The following KLF12 variants were observed in gnomAD, a reference collection of about 807,000 sequenced individuals.
The protein encoded by KLF12 is Krueppel-like factor 12.
In KLF12, 9 loss-of-function variants were observed where a neutral mutation model predicts 37.8. The observed-to-expected ratio is 0.24, with a 90% CI of 0.14 to 0.42. The LOEUF (loss-of-function observed/expected upper bound fraction) is 0.42. Among genes scored for constraint, KLF12 ranks in the 10% least tolerant of loss-of-function variants. KLF12 has a pLI of 1.00. For missense variants in KLF12, 411 were observed against 516.0 expected, an observed-to-expected ratio of 0.80 and a Z score of 1.97; for synonymous variants, 208 against 202.1, an observed-to-expected ratio of 1.03 and a Z score of -0.25.
the KLF12 span, among the ~76,000 whole-genome samples, chr13:74,275,802 C>G: frequency 1.9e-5 from 2 of 103,046 alleles, no homozygotes; most frequent in Admixed American, 1.1e-4. Flanking sequence ...TTCTTTCTTT[C>G]TTTCCTTCTT....
chr13:73,886,625 T>G (rs571359406), intron 3 of KLF12, among the ~76,000 whole-genome samples: 2 of 151,952 alleles, frequency 1.3e-5, no homozygotes, highest in Non-Finnish European at 2.9e-5. Context: ...CCCCAGAACT[T>G]AAAAGTTGAT....
chr13:74,288,591 A>G, the KLF12 span, among the ~76,000 whole-genome samples: 1 of 152,156 alleles, frequency 6.6e-6, no homozygotes, highest in Non-Finnish European at 1.5e-5. Context: ...GGCAGGAAAC[A>G]GTCTGATTTC....
chr13:74,239,941 A>G, the KLF12 span, among the ~76,000 whole-genome samples: 32,430 of 149,304 alleles, frequency 0.22, 5,913 homozygotes, highest in African/African-American at 0.51. Flanking sequence ...TAGTCCATTT[A>G]CATTTAAAGT....
upstream of KLF12, among the ~76,000 whole-genome samples, chr13:74,135,456 G>A (rs1878514661): frequency 6.6e-6 from 1 of 151,910 alleles, no homozygotes; most frequent in African/African-American, 2.4e-5. Context: ...CCCGGGGAGC[G>A]GATCCGCGGG....
chr13:74,261,498 G>A, the KLF12 span, among the ~76,000 whole-genome samples: 1 of 152,088 alleles, frequency 6.6e-6, no homozygotes, highest in Non-Finnish European at 1.5e-5. Flanking sequence ...GTAAAAGCCT[G>A]CTAGCTTTTC....
chr13:74,074,542 G>C (rs1202055997), intron 1 of KLF12, among the ~76,000 whole-genome samples: 1 of 152,134 alleles, frequency 6.6e-6, no homozygotes, highest in East Asian at 1.9e-4. Context: ...AATGTTCCTG[G>C]ATATCAATGA....
rs181514947 is a variant in KLF12 at position 74,050,814 on chromosome 13, A to G, written c.-31-55761T>C. 1.1e-4 allele frequency among the ~76,000 whole-genome samples: 17 copies of G among 152,354 alleles called. No individual in the cohort carries two copies. In the East Asian group the frequency reaches 3.1e-3, roughly 28 times the overall value. Reference sequence around the variant, plus strand: ...GAATGAGAGATAATATCTGCTAAACATTCATTTGATAAGGAGTTAATATCC... The same window carrying G: ...GAATGAGAGATAATATCTGCTAAACGTTCATTTGATAAGGAGTTAATATCC... On this transcript the variant is annotated intron_variant, in intron 1 of 7. Coordinates refer to ENST00000377669, the MANE Select transcript of KLF12 (RefSeq NM_007249.5).
At chr13:73,817,197 A>ACC (rs1883271293) in intron 4 of KLF12, among the ~76,000 whole-genome samples, 3 of 151,950 alleles carry the variant, frequency 2.0e-5, no homozygotes, top group Non-Finnish European at 2.9e-5. Context: ...ATATGCCTGT[A>ACC]GTCCCAGCTA....
intron 2 of KLF12, among the ~76,000 whole-genome samples, chr13:73,951,747 A>G (rs893754917): frequency 3.3e-5 from 5 of 152,210 alleles, no homozygotes; most frequent in Non-Finnish European, 4.4e-5. Context: ...CATTCTGTTC[A>G]GGCTACATCT....
the KLF12 span, among the ~76,000 whole-genome samples, chr13:74,255,728 C>G: frequency 6.6e-6 from 1 of 152,192 alleles, no homozygotes; most frequent in Non-Finnish European, 1.5e-5. Flanking sequence ...GGAGAACTAA[C>G]TCTATCTACT....
intron 3 of KLF12, among the ~76,000 whole-genome samples, chr13:73,927,572 CTTTAT>C (rs958160578): frequency 5.3e-5 from 8 of 151,960 alleles, no homozygotes; most frequent in African/African-American, 1.7e-4. Flanking sequence ...ACATCTACCT[CTTTAT>C]TTTATTTTTT....
At chr13:74,128,702 T>A (rs1168793339) in intron 1 of KLF12, among the ~76,000 whole-genome samples, 1 of 152,252 alleles carries the variant, frequency 6.6e-6, no homozygotes, top group Non-Finnish European at 1.5e-5. Context: ...ATAATTTAAC[T>A]TGGTTGCCAT....
the KLF12 span, among the ~76,000 whole-genome samples, chr13:74,204,228 A>G: frequency 6.6e-6 from 1 of 152,152 alleles, no homozygotes; most frequent in African/African-American, 2.4e-5. Flanking sequence ...ATTGTTGCAC[A>G]ATGGAAATAA....
chr13:73,838,614 A>G (rs1047581386), intron 4 of KLF12, among the ~76,000 whole-genome samples: 27 of 152,206 alleles, frequency 1.8e-4, no homozygotes, highest in African/African-American at 6.3e-4. Context: ...GTATGACACC[A>G]TTTCAATAAA....
chr13:73,701,711 C>T (rs983511119), intron 7 of KLF12, among the ~76,000 whole-genome samples: 11 of 151,996 alleles, frequency 7.2e-5, no homozygotes, highest in East Asian at 3.9e-4. Context: ...AGTTGGGTAA[C>T]GGGTGGCTAG....
chr13:74,266,085 T>C, the KLF12 span, among the ~76,000 whole-genome samples: 1 of 152,178 alleles, frequency 6.6e-6, no homozygotes, highest in Non-Finnish European at 1.5e-5. Context: ...CACTAACTCA[T>C]ATCAACAGAG....
chr13:73,976,360 G>A (rs1475371418), intron 2 of KLF12, among the ~76,000 whole-genome samples: 2 of 152,122 alleles, frequency 1.3e-5, no homozygotes, highest in Non-Finnish European at 2.9e-5. Flanking sequence ...GGAACCGGTT[G>A]CTCAAGATAG....
chr13:73,984,658 C>T (rs1818067121), intron 2 of KLF12, among the ~76,000 whole-genome samples: 1 of 152,208 alleles, frequency 6.6e-6, no homozygotes, highest in Admixed American at 6.5e-5. Flanking sequence ...TTAACTAGTT[C>T]CTACCATCAT....
At chr13:73,756,472 C>T (rs1007220897) in intron 6 of KLF12, among the ~76,000 whole-genome samples, 1 of 151,972 alleles carries the variant, frequency 6.6e-6, no homozygotes, top group South Asian at 2.1e-4. Flanking sequence ...TTTGGCTACT[C>T]GATAACTAAG....
Sources: allele counts gnomAD v4.1 joint callset (sites outside exome capture counted in the v4.1 genomes callset), GRCh38; gene constraint gnomAD v4.1.1; transcripts MANE v1.5; gene names NCBI Gene and HGNC (gene_info 2026-07-23, HGNC 2026-07-21).